Variants in ADAMTS12 observed in about 807,000 individuals in gnomAD.
ADAMTS12 encodes A disintegrin and metalloproteinase with thrombospondin motifs 12.
ADAMTS12 carries 118 observed loss-of-function variants against 167.8 expected under a neutral mutation model. The observed-to-expected ratio is 0.70, with a 90% confidence interval of 0.61 to 0.82. The LOEUF is 0.82. Ranked by LOEUF, ADAMTS12 falls within the 40% of genes least tolerant of loss-of-function variation. The pLI, the probability that ADAMTS12 is intolerant of heterozygous loss-of-function variation, is 0.00. For missense variants in ADAMTS12, 1,916 were observed against 1,998.8 expected, an observed-to-expected ratio of 0.96 and a Z score of 0.79; for synonymous variants, 704 against 716.9, an observed-to-expected ratio of 0.98 and a Z score of 0.29.
At chr5:33,863,858 T>A (rs1196142121) in intron 2 of ADAMTS12, among the ~76,000 whole-genome samples, 2 of 152,094 alleles carry the variant, frequency 1.3e-5, no homozygotes, top group Non-Finnish European at 2.9e-5. Context: ...AAAACAGATA[T>A]ATACACCAAT....
chr5:33,603,380 A>G lies in ADAMTS12; in HGVS notation c.2528-7320T>C, dbSNP rs577952131. ...GCAGATGTTTCTTCACAGATAATCTATTGGCTGAACTTTCATTGGTGATCT... is the reference window on the plus strand; with the variant it reads ...GCAGATGTTTCTTCACAGATAATCTGTTGGCTGAACTTTCATTGGTGATCT... On this transcript the variant is annotated intron_variant, in intron 16 of 23. Coordinates refer to ENST00000504830, the MANE Select transcript of ADAMTS12 (RefSeq NM_030955.4). 4.6e-5 allele frequency: 7 copies of G among 152,346 alleles called. No individual in the cohort carries two copies. The East Asian group carries it at 9.6e-4, about 21-fold the overall frequency. The allele number at this position is 152,346 out of a possible 1,614,324, so 9.4% of individuals were successfully genotyped here.
chr5:33,629,971 A>G (rs1318034385), intron 13 of ADAMTS12, among the ~76,000 whole-genome samples: 2 of 152,172 alleles, frequency 1.3e-5, no homozygotes, highest in Non-Finnish European at 2.9e-5. Context: ...CTAGGCAGAT[A>G]CATAAAAATA....
intron 3 of ADAMTS12, among the ~76,000 whole-genome samples, chr5:33,694,353 T>G (rs189339057): frequency 6.6e-6 from 1 of 152,328 alleles, no homozygotes; most frequent in African/African-American, 2.4e-5. Flanking sequence ...AGCAATCACA[T>G]AGTAACCTAT....
chr5:33,753,486 G>T (rs1357689008), intron 2 of ADAMTS12, among the ~76,000 whole-genome samples: 6 of 152,176 alleles, frequency 3.9e-5, no homozygotes. Context: ...TTGTCAGAAA[G>T]CTCATTTGTT....
At chr5:33,760,313 C>T (rs1745303019) in intron 2 of ADAMTS12, among the ~76,000 whole-genome samples, 1 of 151,530 alleles carries the variant, frequency 6.6e-6, no homozygotes, top group Non-Finnish European at 1.5e-5. Flanking sequence ...GACTATTCCC[C>T]TGAATTCAAG....
At chr5:33,739,065 A>G (rs1744472649) in intron 3 of ADAMTS12, among the ~76,000 whole-genome samples, 1 of 152,184 alleles carries the variant, frequency 6.6e-6, no homozygotes, top group Non-Finnish European at 1.5e-5. Context: ...CAAAGAGTTT[A>G]ACCTCTCTGT....
At chr5:33,620,976 C>T (rs908397162) in intron 14 of ADAMTS12, among the ~76,000 whole-genome samples, 5 of 152,150 alleles carry the variant, frequency 3.3e-5, no homozygotes, top group African/African-American at 4.8e-5. Context: ...CTTGCATCTT[C>T]GCCAGTGGAA....
intron 3 of ADAMTS12, among the ~76,000 whole-genome samples, chr5:33,705,192 A>G (rs929478210): frequency 2.6e-5 from 4 of 151,600 alleles, no homozygotes; most frequent in Non-Finnish European, 5.9e-5. Flanking sequence ...ACTTAGAATA[A>G]TGGTCTCCAA....
At chr5:33,552,476 G>A (rs1745291300) in intron 20 of ADAMTS12, among the ~76,000 whole-genome samples, 1 of 152,214 alleles carries the variant, frequency 6.6e-6, no homozygotes, top group South Asian at 2.1e-4. Context: ...GCTCTGTTTT[G>A]ATTTCAGAAT....
At chr5:33,771,786 C>T (rs542704096) in intron 2 of ADAMTS12, among the ~76,000 whole-genome samples, 1 of 151,590 alleles carries the variant, frequency 6.6e-6, no homozygotes, top group East Asian at 1.9e-4. Context: ...TAAAGTTATA[C>T]TGCGTACTTG....
At chr5:33,569,346 C>T (rs1746186213) in intron 19 of ADAMTS12, among the ~76,000 whole-genome samples, 1 of 152,224 alleles carries the variant, frequency 6.6e-6, no homozygotes, top group South Asian at 2.1e-4. Context: ...GAGGCACCCC[C>T]CAGTAGGGGC....
intron 3 of ADAMTS12, among the ~76,000 whole-genome samples, chr5:33,744,275 A>G (rs1368073835): frequency 2.0e-5 from 3 of 152,208 alleles, no homozygotes; most frequent in African/African-American, 7.2e-5. Flanking sequence ...CAGAATAAGT[A>G]GAAGTCACTC....
chr5:33,869,044 T>A (rs916359201), intron 2 of ADAMTS12, among the ~76,000 whole-genome samples: 4 of 152,102 alleles, frequency 2.6e-5, no homozygotes, highest in Admixed American at 2.6e-4. Context: ...GTCAAGACAA[T>A]GAGGAAAGTG....
At chr5:33,865,524 G>A (rs1429555151) in intron 2 of ADAMTS12, among the ~76,000 whole-genome samples, 1 of 152,020 alleles carries the variant, frequency 6.6e-6, no homozygotes, top group Non-Finnish European at 1.5e-5. Context: ...CTGAAGGGGG[G>A]GAAGTTTAAA....
At chr5:33,816,248 C>A (rs1747648682) in intron 2 of ADAMTS12, among the ~76,000 whole-genome samples, 1 of 152,040 alleles carries the variant, frequency 6.6e-6, no homozygotes, top group Non-Finnish European at 1.5e-5. Flanking sequence ...TTTATGAATA[C>A]AATGTGGAAT....
chr5:33,797,053 T>C (rs965473782), intron 2 of ADAMTS12, among the ~76,000 whole-genome samples: 14 of 152,206 alleles, frequency 9.2e-5, no homozygotes, highest in Non-Finnish European at 1.5e-5. Context: ...GAGAGGACTC[T>C]GAGAAACCTT....
chr5:33,793,836 A>G (rs1404185332), intron 2 of ADAMTS12, among the ~76,000 whole-genome samples: 1 of 151,934 alleles, frequency 6.6e-6, no homozygotes, highest in African/African-American at 2.4e-5. Context: ...GCCCAAGACC[A>G]TCTTCCTCCC....
intron 14 of ADAMTS12, among the ~76,000 whole-genome samples, chr5:33,622,129 G>T (rs1270118673): frequency 6.6e-6 from 1 of 152,170 alleles, no homozygotes; most frequent in African/African-American, 2.4e-5. Flanking sequence ...GATCTTGGAG[G>T]CAGGAAGGGG....
chr5:33,608,961 A>C lies in ADAMTS12; in HGVS notation c.2527+5277T>G, dbSNP rs1738583879. 2.0e-5 allele frequency among the ~76,000 whole-genome samples: 3 copies of C among 152,160 alleles called. No individual in the cohort carries two copies. In the South Asian group the frequency reaches 6.2e-4, roughly 32 times the overall value. ...TAGGTGGGGTGGGATGAGAGCATTC[A>C]TTTCTAAGTACTGTCTAGAGATTTC... On this transcript the variant is annotated intron_variant, in intron 16 of 23. Coordinates refer to ENST00000504830, the MANE Select transcript of ADAMTS12 (RefSeq NM_030955.4).
Sources: gnomAD v4.1 joint callset for allele counts (sites outside exome capture counted in the v4.1 genomes callset) on GRCh38, gnomAD v4.1.1 for gene constraint, MANE v1.5 for transcripts, NCBI Gene and HGNC (gene_info 2026-07-23, HGNC 2026-07-21) for gene names.